Variants in CDH18 observed in about 807,000 individuals in gnomAD.
CDH18 encodes the protein cadherin 18, also known as cadherin-18.
Under a neutral mutation model 67.9 loss-of-function variants are expected in CDH18, and 31 were observed. The observed-to-expected ratio is 0.46, with a 90% CI of 0.34 to 0.62. The LOEUF (loss-of-function observed/expected upper bound fraction) is 0.62, where lower values mean the gene tolerates loss of function less well. Ranked by LOEUF, CDH18 falls within the 20% of genes least tolerant of loss-of-function variation. The pLI, the probability that CDH18 is intolerant of heterozygous loss-of-function variation, is 0.01. For missense variants in CDH18, 890 were observed against 975.5 expected, an observed-to-expected ratio of 0.91 and a Z score of 1.17; for synonymous variants, 362 against 347.2, an observed-to-expected ratio of 1.04 and a Z score of -0.48.
At chr5:19,937,049 G>A (rs1192132547) in intron 2 of CDH18, among the ~76,000 whole-genome samples, 2 of 151,182 alleles carry the variant, frequency 1.3e-5, no homozygotes, top group African/African-American at 2.4e-5. Flanking sequence ...AAAAGTTAGA[G>A]CAATTTTTTG....
chr5:20,060,213 C>T (rs1228626976), intron 2 of CDH18, among the ~76,000 whole-genome samples: 2 of 151,902 alleles, frequency 1.3e-5, no homozygotes, highest in African/African-American at 4.8e-5. Flanking sequence ...GCCTGTAATC[C>T]CAGCACCTTG....
chr5:20,030,783 C>T (rs1739328342), intron 2 of CDH18, among the ~76,000 whole-genome samples: 1 of 152,022 alleles, frequency 6.6e-6, no homozygotes, highest in Non-Finnish European at 1.5e-5. Context: ...CCTACACTAT[C>T]TGAAAGAAAG....
chr5:20,572,882 C>T (rs920534429), intron 1 of CDH18, among the ~76,000 whole-genome samples: 11 of 152,032 alleles, frequency 7.2e-5, no homozygotes, highest in Non-Finnish European at 1.0e-4. Flanking sequence ...TAGTGAGAAT[C>T]CCTAAAATGA....
At chr5:19,714,128 G>A (rs1765058722) in intron 5 of CDH18, among the ~76,000 whole-genome samples, 1 of 152,106 alleles carries the variant, frequency 6.6e-6, no homozygotes, top group Non-Finnish European at 1.5e-5. Context: ...GTTGTCACAT[G>A]ATCACAAATA....
chr5:19,553,697 G>A (rs772110219), intron 8 of CDH18, among the ~76,000 whole-genome samples: 1 of 144,922 alleles, frequency 6.9e-6, no homozygotes, highest in Non-Finnish European at 1.5e-5. Flanking sequence ...CTGGACTGCA[G>A]CAGCAGGAAC....
chr5:19,500,470 G>A (rs913740553), intron 11 of CDH18, among the ~76,000 whole-genome samples: 4 of 152,036 alleles, frequency 2.6e-5, no homozygotes, highest in South Asian at 2.1e-4. Context: ...ATTTATGGAG[G>A]ACAACCAAGA....
At chr5:20,063,484 C>A (rs1362125150) in intron 2 of CDH18, among the ~76,000 whole-genome samples, 3 of 151,920 alleles carry the variant, frequency 2.0e-5, no homozygotes, top group East Asian at 3.9e-4. Flanking sequence ...CCCAAAGAAT[C>A]AACATTGCAC....
At chr5:20,360,297 AT>A (rs1741985753) in intron 1 of CDH18, among the ~76,000 whole-genome samples, 1 of 152,086 alleles carries the variant, frequency 6.6e-6, no homozygotes, top group South Asian at 2.1e-4. Context: ...CTAAAAATAA[AT>A]TCAAGGTTAA....
chr5:20,486,278 G>C lies in CDH18; in HGVS notation c.-580+89184C>G, dbSNP rs547674079. Reference sequence around the variant, plus strand: ...CGATATCTAAGAGCAAAAGGAACATGGTATATTGCAATATGTAAAGATCAA... The same window carrying C: ...CGATATCTAAGAGCAAAAGGAACATCGTATATTGCAATATGTAAAGATCAA... On this transcript the variant is annotated intron_variant, in intron 1 of 14. Coordinates refer to the CDH18 transcript ENST00000507958. Among the ~76,000 whole-genome samples, 3 of 152,104 alleles carry C rather than the reference G, an allele frequency of 2.0e-5. No individual in the cohort carries two copies. The East Asian group carries it at 5.8e-4, about 29-fold the overall frequency.
intron 1 of CDH18, among the ~76,000 whole-genome samples, chr5:20,328,268 A>G (rs113091273): frequency 0.014 from 2,123 of 152,326 alleles, 54 homozygotes; most frequent in African/African-American, 0.048. Context: ...GAAGGTATCA[A>G]CCGTATCCAG....
intron 1 of CDH18, among the ~76,000 whole-genome samples, chr5:20,519,695 CG>C (rs1755609286): frequency 6.8e-6 from 1 of 146,412 alleles, no homozygotes; most frequent in Non-Finnish European, 1.5e-5. Flanking sequence ...AGATTGTTTG[CG>C]GTTGAAATCC....
At chr5:20,478,835 C>T (rs570137005) in intron 1 of CDH18, among the ~76,000 whole-genome samples, 2 of 152,290 alleles carry the variant, frequency 1.3e-5, no homozygotes, top group Non-Finnish European at 2.9e-5. Flanking sequence ...TCTGACCCAG[C>T]ACAGTCCCAG....
chr5:19,523,068 C>T (rs988259077), intron 9 of CDH18, among the ~76,000 whole-genome samples: 13 of 152,072 alleles, frequency 8.5e-5, no homozygotes, highest in South Asian at 4.2e-4. Flanking sequence ...GATGGCATTA[C>T]AGATCAATGG....
At chr5:19,551,459 C>T (rs1029283379) in intron 8 of CDH18, among the ~76,000 whole-genome samples, 1 of 152,220 alleles carries the variant, frequency 6.6e-6, no homozygotes, top group South Asian at 2.1e-4. Context: ...AGCTGTATCA[C>T]TTAGCATTGT....
At chr5:20,267,994 C>A (rs2126654229) in intron 1 of CDH18, among the ~76,000 whole-genome samples, 1 of 152,234 alleles carries the variant, frequency 6.6e-6, no homozygotes, top group African/African-American at 2.4e-5. Context: ...TCTTTCCCAT[C>A]TTGATATCAA....
chr5:20,410,204 T>C (rs1007855010), intron 1 of CDH18, among the ~76,000 whole-genome samples: 1 of 151,210 alleles, frequency 6.6e-6, no homozygotes, highest in Non-Finnish European at 1.5e-5. Context: ...ACAGACAATA[T>C]ACTAGAATTA....
chr5:20,414,390 C>G (rs892889338), intron 1 of CDH18, among the ~76,000 whole-genome samples: 5 of 152,150 alleles, frequency 3.3e-5, no homozygotes, highest in Admixed American at 2.0e-4. Context: ...ACTGCCTGCT[C>G]TCACTTAAAA....
At chr5:20,091,348 G>T (rs1745403395) in intron 2 of CDH18, among the ~76,000 whole-genome samples, 1 of 151,844 alleles carries the variant, frequency 6.6e-6, no homozygotes, top group African/African-American at 2.4e-5. Flanking sequence ...AAACTTAGCT[G>T]GGCACAGTGT....
At chr5:20,363,718 A>T (rs1483885653) in intron 1 of CDH18, among the ~76,000 whole-genome samples, 8 of 147,602 alleles carry the variant, frequency 5.4e-5, no homozygotes, top group Non-Finnish European at 1.0e-4. Context: ...AGCAAAGTTA[A>T]TTTTTTTTTT....
Sources: gnomAD v4.1 joint callset for allele counts (sites outside exome capture counted in the v4.1 genomes callset) on GRCh38, gnomAD v4.1.1 for gene constraint, MANE v1.5 for transcripts, NCBI Gene and HGNC (gene_info 2026-07-23, HGNC 2026-07-21) for gene names.